The following WWC2 variants were observed in gnomAD, a reference collection of about 807,000 sequenced individuals.
WWC2 encodes WW and C2 domain containing 2.
WWC2 carries 101 observed loss-of-function variants against 138.5 expected under a neutral mutation model. The observed-to-expected ratio is 0.73, with a 90% CI of 0.62 to 0.86. The LOEUF (loss-of-function observed/expected upper bound fraction) is 0.86. Among genes scored for constraint, WWC2 ranks in the 40% least tolerant of loss-of-function variants. WWC2 has a pLI of 0.00. For missense variants in WWC2, 1,420 were observed against 1,419.4 expected (o/e 1.00, Z -0.01); for synonymous variants, 558 against 538.4 (o/e 1.04, Z -0.50).
At chr4:183,251,387 G>T (rs1736978934) in intron 8 of WWC2, among the ~76,000 whole-genome samples, 1 of 152,196 alleles carries the variant, frequency 6.6e-6, no homozygotes, top group Non-Finnish European at 1.5e-5. Flanking sequence ...AGCAGTCTTG[G>T]AGAACTGGGC....
intron 16 of WWC2, among the ~76,000 whole-genome samples, chr4:183,276,972 T>TTTATTATTATTATTA (rs200128539): frequency 8.7e-5 from 13 of 150,286 alleles, no homozygotes; most frequent in African/African-American, 3.2e-4. Flanking sequence ...TCATTTCTTT[T>TTTATTATTATTATTA]TTATTATTAT....
intron 10 of WWC2, 123 bp downstream of exon 10, chr4:183,259,851 C>T: frequency 1.4e-6 from 1 of 733,092 alleles, no homozygotes. Context: ...AGCACAGTTA[C>T]TGTTTGAGTG....
At chr4:183,241,988 C>T (rs1736638046) in intron 5 of WWC2, among the ~76,000 whole-genome samples, 1 of 152,108 alleles carries the variant, frequency 6.6e-6, no homozygotes, top group South Asian at 2.1e-4. Flanking sequence ...GAATCTAAGG[C>T]ATGTTTAAGA....
intron 21 of WWC2, among the ~76,000 whole-genome samples, chr4:183,307,522 T>C (rs1739062572): frequency 2.0e-5 from 3 of 152,186 alleles, no homozygotes; most frequent in Admixed American, 2.0e-4. Flanking sequence ...CTTGTGAACA[T>C]AGATGCAGAA....
At chr4:183,120,716 A>T (rs1208295251) in intron 1 of WWC2, among the ~76,000 whole-genome samples, 1 of 152,106 alleles carries the variant, frequency 6.6e-6, no homozygotes. Flanking sequence ...AGTTTTGGGG[A>T]AGTTCTCTTT....
chr4:183,101,817 A>T (rs1333505131), intron 1 of WWC2, among the ~76,000 whole-genome samples: 1 of 152,156 alleles, frequency 6.6e-6, no homozygotes, highest in Non-Finnish European at 1.5e-5. Flanking sequence ...AAACAACTTG[A>T]TATACTATGG....
rs145798890 is a variant in WWC2, at chr4:183,119,348, T to G, written c.131+19726T>G. Among the ~76,000 whole-genome samples, 65 of 152,320 alleles carry G rather than the reference T, an allele frequency of 4.3e-4. 1 individual carries two copies. In the East Asian group the frequency reaches 0.012, roughly 28 times the overall value. On this transcript the variant is annotated intron_variant, in intron 1 of 22. Transcript: ENST00000403733. ...TAAGGATATATAGTGATAATGTAAT[T>G]AATTCTCCCACTGAGAATATAGGAC...
At chr4:183,183,365 A>C (rs2111188917) in intron 1 of WWC2, among the ~76,000 whole-genome samples, 1 of 5,066 alleles carries the variant, frequency 2.0e-4, no homozygotes, top group South Asian at 0.031. Context: ...CAACATTTTA[A>C]TGGTTTTTTT....
intron 1 of WWC2, among the ~76,000 whole-genome samples, chr4:183,111,675 A>G (rs1254079657): frequency 6.6e-6 from 1 of 151,524 alleles, no homozygotes; most frequent in East Asian, 1.9e-4. Context: ...TTTGATAAAA[A>G]CAGATCATTT....
intron 1 of WWC2, among the ~76,000 whole-genome samples, chr4:183,121,785 CT>C (rs528295307): frequency 0.026 from 3,195 of 124,146 alleles, 62 homozygotes; most frequent in African/African-American, 0.082. Context: ...TGTTAAGAAG[CT>C]TTTTTTTTTT....
chr4:183,100,029 C>T (rs920681598), intron 1 of WWC2, among the ~76,000 whole-genome samples: 1 of 152,234 alleles, frequency 6.6e-6, no homozygotes, highest in African/African-American at 2.4e-5. Flanking sequence ...ACGAGCCCTC[C>T]GGGCCACCTG....
Position 183,107,194 on chromosome 4 carries a change from C to T in WWC2, c.131+7572C>T, listed in dbSNP as rs149627597. 8.8e-3 allele frequency among the ~76,000 whole-genome samples: 1,342 copies of T among 151,984 alleles called. 19 individuals are homozygous for T. The highest frequency in any genetic ancestry group is 0.03 in the African/African-American group (1,253 of 41,434). ...TTCTTTTGAGACGGAGCCGGTCTCT[C>T]TTGCCCAGGCTGGAGTGCAGTGGTG... On this transcript the variant is annotated intron_variant, in intron 1 of 22. Coordinates refer to ENST00000403733, the MANE Select transcript of WWC2 (RefSeq NM_024949.6).
chr4:183,182,843 A>G (rs548539113), intron 1 of WWC2, among the ~76,000 whole-genome samples: 4 of 152,258 alleles, frequency 2.6e-5, no homozygotes, highest in Non-Finnish European at 5.9e-5. Flanking sequence ...TGTTATTTGA[A>G]TAAATGCATA....
chr4:183,119,335 G>A (rs1732525920), intron 1 of WWC2, among the ~76,000 whole-genome samples: 1 of 152,180 alleles, frequency 6.6e-6, no homozygotes, highest in African/African-American at 2.4e-5. Flanking sequence ...AGGATATATA[G>A]TGATAATGTA....
At chr4:183,101,628 T>A (rs1331155620) in intron 1 of WWC2, among the ~76,000 whole-genome samples, 1 of 152,186 alleles carries the variant, frequency 6.6e-6, no homozygotes, top group Non-Finnish European at 1.5e-5. Context: ...TTTAGGGCAA[T>A]TAAGTGACTA....
chr4:183,282,552 T>A lies in WWC2; in HGVS notation c.2685-156T>A, dbSNP rs1259181372. The A allele has an allele frequency of 5.5e-6, 4 of 723,232 alleles. No homozygotes were observed. The African/African-American group carries it at 7.1e-5, about 13-fold the overall frequency. The allele number at this position is 723,232 out of a possible 1,614,324, so 44.8% of individuals were successfully genotyped here. ...CTAGAGGGTGAAGAGAGGATTTTTTTAAATGAGACATTTAGTTAAAAACCC... is the reference window on the plus strand; with the variant it reads ...CTAGAGGGTGAAGAGAGGATTTTTTAAAATGAGACATTTAGTTAAAAACCC... On this transcript the variant is annotated intron_variant, in intron 17 of 22. Coordinates refer to ENST00000403733, the MANE Select transcript of WWC2 (RefSeq NM_024949.6).
intron 1 of WWC2, among the ~76,000 whole-genome samples, chr4:183,103,042 G>GT (rs1489731058): frequency 3.1e-4 from 47 of 152,240 alleles, no homozygotes; most frequent in African/African-American, 1.0e-3. Flanking sequence ...TGGATTGAAT[G>GT]TTACCCAGAG....
At chr4:183,248,637 T>A in intron 6 of WWC2, 77 bp from the exon 7 acceptor site, 3 of 1,420,304 alleles carry the variant, frequency 2.1e-6, no homozygotes, top group Non-Finnish European at 1.9e-6. Flanking sequence ...AGCTCTTTCC[T>A]TTTAATTTCA....
At chr4:183,155,558 G>C (rs111974216) in intron 1 of WWC2, among the ~76,000 whole-genome samples, 2,006 of 152,162 alleles carry the variant, frequency 0.013, 21 homozygotes, top group Middle Eastern at 0.044. Flanking sequence ...GGAGGGAGGA[G>C]ACGAATTTGG....
Sources: allele counts gnomAD v4.1 joint callset (sites outside exome capture counted in the v4.1 genomes callset), GRCh38; gene constraint gnomAD v4.1.1; transcripts MANE v1.5; gene names NCBI Gene and HGNC (gene_info 2026-07-23, HGNC 2026-07-21).